SPAG16: variants seen among roughly 807,000 people sequenced by gnomAD.
SPAG16 encodes sperm associated antigen 16, also known as sperm-associated antigen 16 protein.
SPAG16 carries 86 observed loss-of-function variants against 80.4 expected under a neutral mutation model. The ratio of observed to expected loss-of-function variants is 1.07; its 90% confidence interval spans 0.90 to 1.28. SPAG16 has a LOEUF of 1.28. SPAG16 is among the 50% of genes most tolerant of loss of function. SPAG16 has a pLI of 0.00. For missense variants in SPAG16, 870 were observed against 765.3 expected (o/e 1.14, Z -1.61); for synonymous variants, 294 against 265.9 (o/e 1.11, Z -1.03).
At position 213,929,986 on chromosome 2, in the gene SPAG16, G is replaced by GGATCTA; in HGVS notation, c.1241_1242insGATCTA (p.Gly414_Asp415insIleTyr). ...GGCGACAAATTGGCTACTTCAAGTG[G>GGATCTA]TGACACTACAGTTAAATTATGGGAT... On this transcript the variant is annotated inframe_insertion, in exon 12 of 16. Transcript: ENST00000331683. 6.2e-7 allele frequency: 1 copy of GGATCTA among 1,611,826 alleles called. No homozygotes were observed. The highest frequency in any genetic ancestry group is 8.5e-7 in the Non-Finnish European group (1 of 1,179,196).
chr2:213,492,934 G>A (rs1170554011), intron 10 of SPAG16, among the ~76,000 whole-genome samples: 1 of 152,010 alleles, frequency 6.6e-6, no homozygotes, highest in Non-Finnish European at 1.5e-5. Flanking sequence ...TTTCTATAAG[G>A]CAGTTATTAT....
At chr2:213,991,958 T>C (rs889458287) in intron 12 of SPAG16, among the ~76,000 whole-genome samples, 1 of 152,048 alleles carries the variant, frequency 6.6e-6, no homozygotes, top group Non-Finnish European at 1.5e-5. Context: ...GCCAAGCATG[T>C]TGCTGCGAGT....
At chr2:213,550,949 AT>A (rs1186359138) in intron 10 of SPAG16, among the ~76,000 whole-genome samples, 4 of 152,020 alleles carry the variant, frequency 2.6e-5, no homozygotes. Context: ...TACTTTTAGC[AT>A]TTTAAATATA....
chr2:213,662,989 G>A (rs1167452780), intron 10 of SPAG16, among the ~76,000 whole-genome samples: 1 of 152,058 alleles, frequency 6.6e-6, no homozygotes, highest in Non-Finnish European at 1.5e-5. Flanking sequence ...CTTGAATTAT[G>A]TAATTAGGGC....
intron 10 of SPAG16, among the ~76,000 whole-genome samples, chr2:213,663,574 A>G (rs1464130720): frequency 6.6e-6 from 1 of 152,118 alleles, no homozygotes; most frequent in Admixed American, 6.6e-5. Flanking sequence ...CAGCAATTTG[A>G]TAACGTATAC....
chr2:213,301,442 A>C (rs889351040), intron 3 of SPAG16, among the ~76,000 whole-genome samples: 1 of 152,216 alleles, frequency 6.6e-6, no homozygotes, highest in African/African-American at 2.4e-5. Context: ...AGGAACTCAC[A>C]TTAAAACAGT....
At chr2:213,292,682 A>ACAAACAACAAC (rs368366898) in intron 1 of SPAG16, among the ~76,000 whole-genome samples, 1 of 134,276 alleles carries the variant, frequency 7.4e-6, no homozygotes, top group Non-Finnish European at 1.6e-5. Flanking sequence ...AAAACAAAAA[A>ACAAACAACAAC]AACAAAAAAA....
At chr2:213,601,211 CAG>C (rs541123457) in intron 10 of SPAG16, among the ~76,000 whole-genome samples, 222 of 152,314 alleles carry the variant, frequency 1.5e-3, no homozygotes, top group Middle Eastern at 0.014. Context: ...AATGAAAACT[CAG>C]GGAAGGGACC....
intron 6 of SPAG16, among the ~76,000 whole-genome samples, chr2:213,341,251 T>G (rs953604980): frequency 2.6e-5 from 4 of 152,122 alleles, no homozygotes; most frequent in Non-Finnish European, 4.4e-5. Flanking sequence ...AAAACTTCAA[T>G]GATGCCATCA....
At chr2:213,893,874 G>A (rs1419450787) in intron 11 of SPAG16, among the ~76,000 whole-genome samples, 1 of 151,982 alleles carries the variant, frequency 6.6e-6, no homozygotes, top group African/African-American at 2.4e-5. Flanking sequence ...AACAAGCAAC[G>A]AAATGGCAGT....
intron 15 of SPAG16, among the ~76,000 whole-genome samples, chr2:214,192,920 C>A (rs1559118908): frequency 6.6e-6 from 1 of 152,006 alleles, no homozygotes; most frequent in Non-Finnish European, 1.5e-5. Flanking sequence ...CAAGAGAGAG[C>A]TTTTAAGAGA....
intron 14 of SPAG16, among the ~76,000 whole-genome samples, chr2:214,120,222 A>G (rs967130374): frequency 1.3e-4 from 20 of 151,566 alleles, no homozygotes; most frequent in African/African-American, 4.3e-4. Context: ...GTGCTTTACT[A>G]CTTTGTGTGG....
intron 12 of SPAG16, among the ~76,000 whole-genome samples, chr2:213,999,192 C>T (rs1269749258): frequency 1.3e-5 from 2 of 152,188 alleles, no homozygotes; most frequent in Non-Finnish European, 2.9e-5. Context: ...CCATCACAGG[C>T]TAGGAGGCTT....
intron 10 of SPAG16, among the ~76,000 whole-genome samples, chr2:213,836,859 C>G (rs565479624): frequency 2.0e-5 from 3 of 152,290 alleles, no homozygotes; most frequent in African/African-American, 7.2e-5. Flanking sequence ...GGTGATCCCC[C>G]GGTCTCAGCC....
At chr2:213,843,008 G>A (rs1302325566) in intron 10 of SPAG16, among the ~76,000 whole-genome samples, 3 of 152,070 alleles carry the variant, frequency 2.0e-5, no homozygotes, top group Admixed American at 1.3e-4. Context: ...ATACTCAAAT[G>A]ATCCTCCCAC....
intron 13 of SPAG16, among the ~76,000 whole-genome samples, chr2:214,031,441 G>A (rs1423926183): frequency 1.1e-5 from 1 of 95,206 alleles, no homozygotes; most frequent in African/African-American, 4.1e-5. Flanking sequence ...ACTGTTGTGG[G>A]GTGGGGGGAG....
At chr2:213,368,768 A>G (rs909558317) in intron 8 of SPAG16, among the ~76,000 whole-genome samples, 5 of 152,228 alleles carry the variant, frequency 3.3e-5, no homozygotes, top group African/African-American at 9.6e-5. Flanking sequence ...TTATACACCA[A>G]TAACACAAAC....
chr2:213,517,242 C>T (rs116058248), intron 10 of SPAG16, among the ~76,000 whole-genome samples: 80 of 152,204 alleles, frequency 5.3e-4, no homozygotes, highest in Non-Finnish European at 1.0e-3. Context: ...CTTAGGAATA[C>T]AGCTAACCAA....
chr2:214,059,222 G>GTGTA (rs1553706195), intron 13 of SPAG16, among the ~76,000 whole-genome samples: 37 of 121,466 alleles, frequency 3.0e-4, no homozygotes, highest in Admixed American at 1.7e-3. Flanking sequence ...ATATGTATGT[G>GTGTA]TATATATATA....
Sources: allele counts gnomAD v4.1 joint callset (sites outside exome capture counted in the v4.1 genomes callset), GRCh38; gene constraint gnomAD v4.1.1; transcripts MANE v1.5; gene names NCBI Gene and HGNC (gene_info 2026-07-23, HGNC 2026-07-21).